Variants in SLC44A5 observed in about 807,000 individuals in gnomAD.
SLC44A5 encodes the protein solute carrier family 44 member 5.
In SLC44A5, 57 loss-of-function variants were observed where a neutral mutation model predicts 101.8. That is an observed-to-expected ratio of 0.56 (90% CI 0.45 to 0.70). The LOEUF is 0.70. SLC44A5 is among the 30% of genes least tolerant of loss of function. The pLI, the probability that SLC44A5 is intolerant of heterozygous loss-of-function variation, is 0.00. For synonymous variants in SLC44A5, 281 were observed against 290.9 expected, an observed-to-expected ratio of 0.97 and a Z score of 0.35; for missense variants, 737 against 853.1, an observed-to-expected ratio of 0.86 and a Z score of 1.70.
intron 2 of SLC44A5, among the ~76,000 whole-genome samples, chr1:75,506,301 T>C (rs1038041178): frequency 1.3e-5 from 2 of 152,226 alleles, no homozygotes; most frequent in African/African-American, 4.8e-5. Context: ...TCAAGCTTTG[T>C]TCTTTTTGCT....
At chr1:75,530,621 T>A (rs1016967275) in intron 2 of SLC44A5, among the ~76,000 whole-genome samples, 2 of 152,172 alleles carry the variant, frequency 1.3e-5, no homozygotes, top group African/African-American at 4.8e-5. Context: ...CTCTTAATAG[T>A]CAAATTTTGA....
intron 2 of SLC44A5, among the ~76,000 whole-genome samples, chr1:75,423,902 A>G (rs1360495266): frequency 6.6e-6 from 1 of 152,218 alleles, no homozygotes; most frequent in Non-Finnish European, 1.5e-5. Flanking sequence ...TTTGTTGCTC[A>G]GGGTATAAGC....
At chr1:75,535,230 A>C (rs1166148806) in intron 2 of SLC44A5, among the ~76,000 whole-genome samples, 1 of 152,164 alleles carries the variant, frequency 6.6e-6, no homozygotes, top group Non-Finnish European at 1.5e-5. Context: ...AGGTACCAGC[A>C]GTTGGTCCTA....
chr1:75,558,693 A>T (rs1672353812), intron 1 of SLC44A5, among the ~76,000 whole-genome samples: 2 of 152,090 alleles, frequency 1.3e-5, no homozygotes, highest in East Asian at 1.9e-4. Flanking sequence ...CGATATTTTG[A>T]TGTAGGCCCT....
intron 6 of SLC44A5, among the ~76,000 whole-genome samples, chr1:75,268,850 G>T (rs184588685): frequency 6.6e-6 from 1 of 151,812 alleles, no homozygotes; most frequent in African/African-American, 2.4e-5. Flanking sequence ...TGACTATACC[G>T]TAATTCATTT....
chr1:75,531,704 C>T (rs211770), intron 2 of SLC44A5, among the ~76,000 whole-genome samples: 141,067 of 152,218 alleles, frequency 0.93, 66,274 homozygotes, highest in East Asian at 1. Flanking sequence ...ATCTTACCAT[C>T]CTTAGTAACA....
chr1:75,213,904 A>C lies in SLC44A5; in HGVS notation c.1873+15T>G. On this transcript the variant is annotated intron_variant, in intron 21 of 23. Transcript: ENST00000370859. ...TTAAACTTTTTTTTTTATTATTTTC[A>C]TCATGATTACTTACCTATACTTCCA... The C allele has an allele frequency of 3.9e-6, 6 of 1,553,726 alleles. No individual in the cohort carries two copies. The highest frequency in any genetic ancestry group is 4.4e-6 in the Non-Finnish European group (5 of 1,140,322).
upstream of SLC44A5, among the ~76,000 whole-genome samples, chr1:75,615,558 A>G (rs899034282): frequency 1.3e-5 from 2 of 151,800 alleles, no homozygotes; most frequent in African/African-American, 4.8e-5. Context: ...CCCAGAGGCT[A>G]GGAGGTGCAA....
At chr1:75,305,699 G>T (rs1654845403) in intron 4 of SLC44A5, among the ~76,000 whole-genome samples, 1 of 152,224 alleles carries the variant, frequency 6.6e-6, no homozygotes, top group African/African-American at 2.4e-5. Context: ...CAATTTGCAT[G>T]GGATAGCCAG....
At chr1:75,207,486 A>T (rs182523636) in intron 23 of SLC44A5, among the ~76,000 whole-genome samples, 2 of 152,328 alleles carry the variant, frequency 1.3e-5, no homozygotes, top group African/African-American at 4.8e-5. Flanking sequence ...CTGACAAACA[A>T]GGATACATTT....
chr1:75,671,776 A>C, the SLC44A5 span, among the ~76,000 whole-genome samples: 3 of 152,244 alleles, frequency 2.0e-5, no homozygotes, highest in Non-Finnish European at 4.4e-5. Flanking sequence ...TGCTGAAAGG[A>C]CAATAGAAAA....
chr1:75,254,898 A>T (rs1458570363), intron 6 of SLC44A5, among the ~76,000 whole-genome samples: 2 of 152,164 alleles, frequency 1.3e-5, no homozygotes, highest in African/African-American at 4.8e-5. Context: ...TGATGAGCTA[A>T]AACTAAAATT....
At chr1:75,623,598 TTA>T in the SLC44A5 span, among the ~76,000 whole-genome samples, 37 of 152,246 alleles carry the variant, frequency 2.4e-4, no homozygotes, top group African/African-American at 8.4e-4. Flanking sequence ...AGGTTTTTTT[TTA>T]AAATGGACCA....
At chr1:75,442,479 T>A (rs1013872911) in intron 2 of SLC44A5, among the ~76,000 whole-genome samples, 4 of 152,132 alleles carry the variant, frequency 2.6e-5, no homozygotes, top group African/African-American at 4.8e-5. Flanking sequence ...TTAGCAACCA[T>A]CCTGTTGTGT....
chr1:75,365,632 C>G (rs1014605911), intron 3 of SLC44A5, among the ~76,000 whole-genome samples: 3 of 152,148 alleles, frequency 2.0e-5, no homozygotes, highest in Non-Finnish European at 2.9e-5. Flanking sequence ...GACATGGAAT[C>G]AACCTAAATG....
intron 5 of SLC44A5, among the ~76,000 whole-genome samples, chr1:75,297,962 AAACAAC>A (rs140199054): frequency 6.6e-6 from 1 of 152,230 alleles, no homozygotes; most frequent in African/African-American, 2.4e-5. Flanking sequence ...AACAAAACAA[AAACAAC>A]AACAACAACA....
chr1:75,233,913 G>A (rs1647826834), intron 12 of SLC44A5, 73 bp downstream of exon 12: 1 of 1,120,448 alleles, frequency 8.9e-7, no homozygotes, highest in South Asian at 1.4e-5. Context: ...ATGCTTTCTG[G>A]TAACTGATAA....
At chr1:75,362,042 T>C (rs900643618) in intron 3 of SLC44A5, among the ~76,000 whole-genome samples, 1 of 152,066 alleles carries the variant, frequency 6.6e-6, no homozygotes, top group Non-Finnish European at 1.5e-5. Context: ...TCTTGGTAGA[T>C]TGTATGTGTC....
intron 2 of SLC44A5, among the ~76,000 whole-genome samples, chr1:75,517,409 G>C (rs1029821482): frequency 2.0e-5 from 3 of 151,950 alleles, no homozygotes; most frequent in African/African-American, 4.8e-5. Flanking sequence ...AAAAGACCTT[G>C]TGACCCAAAA....
Sources: allele counts gnomAD v4.1 joint callset (sites outside exome capture counted in the v4.1 genomes callset), GRCh38; gene constraint gnomAD v4.1.1; transcripts MANE v1.5; gene names NCBI Gene and HGNC (gene_info 2026-07-23, HGNC 2026-07-21).